The following TMEM164 variants were observed in gnomAD, a reference collection of about 807,000 sequenced individuals.
TMEM164 encodes transmembrane protein 164.
A neutral mutation model predicts 18.8 loss-of-function variants in TMEM164; 4 were observed. The ratio of observed to expected loss-of-function variants is 0.21; its 90% confidence interval spans 0.10 to 0.49. TMEM164 has a LOEUF of 0.49. Ranked by LOEUF, TMEM164 falls within the 20% of genes least tolerant of loss-of-function variation. The pLI is 0.98. For synonymous variants in TMEM164, 86 were observed against 101.7 expected, an observed-to-expected ratio of 0.85 and a Z score of 0.93; for missense variants, 108 against 239.9, an observed-to-expected ratio of 0.45 and a Z score of 3.63.
chrX:110,156,499 A>G (rs16985943), intron 5 of TMEM164, among the ~76,000 whole-genome samples: 5,609 of 110,888 alleles, frequency 0.051, 367 homozygotes, highest in African/African-American at 0.17. Context: ...GAGGCCCCTG[A>G]ATTTTGGCCT....
chrX:110,128,308 A>G (rs1164020362), intron 4 of TMEM164, among the ~76,000 whole-genome samples: 1 of 112,170 alleles, frequency 8.9e-6, no homozygotes, highest in African/African-American at 3.2e-5. Context: ...TGTGACTACT[A>G]TGTGTCCACT....
chrX:110,082,871 A>G (rs1349871812), intron 3 of TMEM164, among the ~76,000 whole-genome samples: 2 of 110,591 alleles, frequency 1.8e-5, no homozygotes, highest in African/African-American at 3.3e-5. Flanking sequence ...TCTATTAGCT[A>G]TTTACATATT....
chrX:110,182,440 C>A (rs542148768), downstream of TMEM164: 2 of 111,460 alleles, frequency 1.8e-5, no homozygotes, highest in African/African-American at 3.3e-5. Flanking sequence ...GGGAGCCCAC[C>A]GTGCCAAATG....
At chrX:110,072,978 C>A (rs1034419912) in intron 3 of TMEM164, among the ~76,000 whole-genome samples, 1 of 110,790 alleles carries the variant, frequency 9.0e-6, no homozygotes. Flanking sequence ...AGTTTTTCAG[C>A]CCTTGTCATC....
intron 2 of TMEM164, among the ~76,000 whole-genome samples, chrX:110,017,380 T>A (rs1010562694): frequency 4.5e-5 from 5 of 111,557 alleles, no homozygotes; most frequent in African/African-American, 1.6e-4. Flanking sequence ...AAAGTGAGGA[T>A]CTCCTGGCTG....
intron 2 of TMEM164, among the ~76,000 whole-genome samples, chrX:110,012,477 A>G (rs1933062900): frequency 1.8e-5 from 2 of 112,074 alleles, no homozygotes; most frequent in South Asian, 7.5e-4. Context: ...TTACCCTAAC[A>G]TTATATCTAA....
At chrX:110,108,770 C>T (rs758468628) in intron 3 of TMEM164, among the ~76,000 whole-genome samples, 2 of 112,032 alleles carry the variant, frequency 1.8e-5, no homozygotes, top group South Asian at 7.4e-4. Flanking sequence ...CAGTTGAAGC[C>T]GTTGATTGGG....
intron 3 of TMEM164, among the ~76,000 whole-genome samples, chrX:110,107,519 G>T (rs1602637244): frequency 8.9e-6 from 1 of 111,987 alleles, no homozygotes; most frequent in Admixed American, 9.5e-5. Context: ...AAGTTTTGGT[G>T]ACAAAGAACA....
chrX:110,133,794 G>A (rs758463063), intron 4 of TMEM164, among the ~76,000 whole-genome samples: 2 of 111,428 alleles, frequency 1.8e-5, no homozygotes, highest in East Asian at 2.8e-4. Flanking sequence ...CTTCCTTCCC[G>A]GCCTTTTCAG....
chrX:110,096,555 G>A (rs2066022713), intron 3 of TMEM164, among the ~76,000 whole-genome samples: 1 of 112,341 alleles, frequency 8.9e-6, no homozygotes, highest in Non-Finnish European at 1.9e-5. Flanking sequence ...TATTAGGGTG[G>A]GAGTGTCCCA....
At chrX:110,133,087 CT>C (rs745658663) in intron 4 of TMEM164, among the ~76,000 whole-genome samples, 14 of 112,031 alleles carry the variant, frequency 1.2e-4, no homozygotes, top group Non-Finnish European at 2.3e-4. Context: ...GAGTGGCTAT[CT>C]TCTCCCAATG....
intron 4 of TMEM164, among the ~76,000 whole-genome samples, chrX:110,116,120 A>T (rs1049949081): frequency 8.9e-6 from 1 of 112,045 alleles, no homozygotes; most frequent in African/African-American, 3.2e-5. Flanking sequence ...CTTACAAGGC[A>T]TTCAGGCTTG....
At chrX:110,072,673 T>C (rs958956413) in intron 3 of TMEM164, among the ~76,000 whole-genome samples, 14 of 111,786 alleles carry the variant, frequency 1.3e-4, no homozygotes, top group Non-Finnish European at 2.4e-4. Flanking sequence ...TTTTGGTTGC[T>C]ACATAGAACC....
Position 110,034,592 on chromosome X carries a change from G to A in TMEM164, c.390+30428G>A, listed in dbSNP as rs777375322. 8.9e-4 allele frequency among the ~76,000 whole-genome samples: 99 copies of A among 111,703 alleles called. 1 individual carries two copies. Among genetic ancestry groups the A allele is most frequent in the South Asian group, 1.5e-3 (4 of 2,676 alleles). On this transcript the variant is annotated intron_variant, in intron 2 of 6. Transcript: ENST00000372068. ...TCAGTCAGTGGGCCACGTTTGGTTC[G>A]CGGGTTATTGTTTGCTGAACACTGC... is the stretch of plus-strand genomic sequence containing the variant.
Position 110,024,594 on chromosome X carries a change from T to C in TMEM164, c.390+20430T>C, listed in dbSNP as rs772497019. Reference sequence around the variant, plus strand: ...TGTCCTCTAGCTTTCTTAAAGGAGCTGTTATTTAATTTCAGGGCTTGTAGT... The same window carrying C: ...TGTCCTCTAGCTTTCTTAAAGGAGCCGTTATTTAATTTCAGGGCTTGTAGT... On this transcript the variant is annotated intron_variant, in intron 2 of 6. Transcript: ENST00000372068. Among the ~76,000 whole-genome samples, 3 of 112,326 alleles carry C rather than the reference T, an allele frequency of 2.7e-5. No individual in the cohort carries two copies. The East Asian group carries it at 8.4e-4, about 31-fold the overall frequency.
chrX:110,008,897 AC>A (rs1932884909), intron 2 of TMEM164, among the ~76,000 whole-genome samples: 1 of 111,641 alleles, frequency 9.0e-6, no homozygotes, highest in African/African-American at 3.3e-5. Flanking sequence ...TCAACTTCAG[AC>A]TCAGAAACCG....
chrX:110,108,294 A>C lies in TMEM164; in HGVS notation c.441-786A>C, dbSNP rs142859489. On this transcript the variant is annotated intron_variant, in intron 3 of 6. Coordinates refer to ENST00000372068, the MANE Select transcript of TMEM164 (RefSeq NM_032227.4). The stretch of plus-strand genomic sequence containing the variant: ...ACCATTTGCCTTTAATAATGAAGGA[A>C]GCTACTTAAATCCATCCCCAGAGCC... 6.7e-3 allele frequency among the ~76,000 whole-genome samples: 739 copies of C among 110,348 alleles called. 6 individuals are homozygous for C. The highest frequency in any genetic ancestry group is 9.5e-3 in the Non-Finnish European group (501 of 52,861).
At chrX:110,031,029 A>G (rs1339128790) in intron 2 of TMEM164, among the ~76,000 whole-genome samples, 1 of 110,439 alleles carries the variant, frequency 9.1e-6, no homozygotes, top group Non-Finnish European at 1.9e-5. Flanking sequence ...TACATTAAGT[A>G]TTTCTCCTAA....
intron 4 of TMEM164, among the ~76,000 whole-genome samples, chrX:110,124,598 G>A (rs1214635503): frequency 9.0e-6 from 1 of 111,638 alleles, no homozygotes; most frequent in Non-Finnish European, 1.9e-5. Flanking sequence ...AGGAGCTAAC[G>A]CAGGAAAGGA....
Sources: allele counts gnomAD v4.1 joint callset (sites outside exome capture counted in the v4.1 genomes callset), GRCh38; gene constraint gnomAD v4.1.1; transcripts MANE v1.5; gene names NCBI Gene and HGNC (gene_info 2026-07-23, HGNC 2026-07-21).